Variants in GRK5 observed in about 807,000 individuals in gnomAD.
GRK5 encodes the protein G protein-coupled receptor kinase 5.
A neutral mutation model predicts 78.4 loss-of-function variants in GRK5; 40 were observed. That is an observed-to-expected ratio of 0.51 (90% CI 0.40 to 0.66). The LOEUF is 0.66. GRK5 is among the 30% of genes least tolerant of loss of function. GRK5 has a pLI of 0.00. For synonymous variants in GRK5, 289 were observed against 296.8 expected (o/e 0.97, Z 0.27); for missense variants, 598 against 759.9 (o/e 0.79, Z 2.50).
At chr10:119,225,037 A>G (rs2133715481) in intron 1 of GRK5, among the ~76,000 whole-genome samples, 2 of 152,334 alleles carry the variant, frequency 1.3e-5, no homozygotes, top group East Asian at 3.9e-4. Flanking sequence ...AGCAGGCATT[A>G]CACATTAAAA....
intron 9 of GRK5, among the ~76,000 whole-genome samples, chr10:119,437,198 G>C (rs998736749): frequency 6.6e-6 from 1 of 152,242 alleles, no homozygotes; most frequent in Non-Finnish European, 1.5e-5. Flanking sequence ...GAGGGGGCCT[G>C]GTGGCCGCTA....
At chr10:119,361,216 A>G (rs1304471343) in intron 2 of GRK5, among the ~76,000 whole-genome samples, 1 of 152,236 alleles carries the variant, frequency 6.6e-6, no homozygotes, top group Non-Finnish European at 1.5e-5. Context: ...AGAATGGCGC[A>G]TCAGAGGTGC....
intron 4 of GRK5, among the ~76,000 whole-genome samples, chr10:119,410,577 G>T (rs1324795776): frequency 1.3e-5 from 2 of 152,146 alleles, no homozygotes; most frequent in South Asian, 2.1e-4. Flanking sequence ...CCCAAGGCAA[G>T]GCTTGCTCCC....
intron 4 of GRK5, among the ~76,000 whole-genome samples, chr10:119,408,792 T>C (rs748764126): frequency 6.6e-6 from 1 of 152,186 alleles, no homozygotes; most frequent in African/African-American, 2.4e-5. Flanking sequence ...GTTGCCATGA[T>C]GAACGTAATG....
chr10:119,419,172 C>A (rs1403279566), intron 4 of GRK5, among the ~76,000 whole-genome samples: 1 of 152,202 alleles, frequency 6.6e-6, no homozygotes, highest in Non-Finnish European at 1.5e-5. Context: ...GCATGGAATT[C>A]TCCTGCCTTG....
In GRK5 at chr10:119,443,734, C is replaced by T. The variant is rs1434361956; in HGVS notation, c.1248C>T (p.Ala416=). The stretch of plus-strand genomic sequence containing the variant: ...ACTCCCACAAGTTCTCCGAGGAGGC[C>T]AAGTCCATCTGCAAGATGGTGAGCT... The part of the protein sequence containing the change: ...EVYSHKFSEE[A]KSICKMLLTK... The change falls in exon 12 of 16, where the codon GCC becomes GCT. Residue 416 remains alanine, a synonymous_variant. Coordinates refer to ENST00000392870, the MANE Select transcript of GRK5 (RefSeq NM_005308.3). 1 of 1,602,040 alleles carries T rather than the reference C, an allele frequency of 6.2e-7. No homozygotes were observed. The highest frequency in any genetic ancestry group is 8.5e-7 in the Non-Finnish European group (1 of 1,171,112).
chr10:119,397,712 C>G (rs917162888), intron 4 of GRK5, among the ~76,000 whole-genome samples: 1 of 152,238 alleles, frequency 6.6e-6, no homozygotes, highest in Non-Finnish European at 1.5e-5. Flanking sequence ...TCCCCTCAAC[C>G]TCCTGCACCT....
intron 3 of GRK5, among the ~76,000 whole-genome samples, chr10:119,391,830 G>T (rs1447253718): frequency 1.3e-5 from 2 of 152,202 alleles, no homozygotes; most frequent in Admixed American, 1.3e-4. Flanking sequence ...CGTGTCACTT[G>T]TCCCTGCCTC....
At chr10:119,380,989 C>A in intron 3 of GRK5, 62 bp downstream of exon 3, 1 of 1,061,138 alleles carries the variant, frequency 9.4e-7, no homozygotes, top group Admixed American at 1.8e-5. Flanking sequence ...TGTTTTGGCT[C>A]AAAGGAAAAA....
chr10:119,243,922 G>C (rs552381222), intron 1 of GRK5, among the ~76,000 whole-genome samples: 5 of 152,218 alleles, frequency 3.3e-5, no homozygotes, highest in Non-Finnish European at 7.3e-5. Context: ...AAAAATCATA[G>C]TTTATAAAAG....
chr10:119,229,802 C>T lies in GRK5; in HGVS notation c.52+21833C>T, dbSNP rs1848796744. On this transcript the variant is annotated intron_variant, in intron 1 of 15. Coordinates refer to ENST00000392870, the MANE Select transcript of GRK5 (RefSeq NM_005308.3). ...TATGAAGACAGCATTTACAGGGCCC[C>T]TAACTGGTGCAGGCTCTGTGAAGGA... 2.0e-5 allele frequency among the ~76,000 whole-genome samples: 3 copies of T among 152,152 alleles called. No individual in the cohort carries two copies. In the South Asian group the frequency reaches 6.2e-4, roughly 31 times the overall value.
intron 1 of GRK5, among the ~76,000 whole-genome samples, chr10:119,260,259 C>G (rs1389386871): frequency 6.6e-6 from 1 of 152,180 alleles, no homozygotes; most frequent in Non-Finnish European, 1.5e-5. Flanking sequence ...CCTCGGCCTC[C>G]CAAAGTGCTG....
rs1217848349 is a variant in GRK5, at chr10:119,380,871, C to A, written c.205C>A (p.Gln69Lys). 1.9e-6 allele frequency: 3 copies of A among 1,613,514 alleles called. No homozygotes were observed. The African/African-American group carries it at 4.0e-5, about 22-fold the overall frequency. Residue 69 changes from glutamine to lysine, a missense_variant, in exon 3 of 16, where the codon CAG becomes AAG. Gln to Lys is a moderately conservative substitution (Grantham distance 53). Coordinates refer to ENST00000392870, the MANE Select transcript of GRK5 (RefSeq NM_005308.3). ...KQPIGRLLFR[Q>K]FCETRPGLEC... ...GCCAATCGGGAGGCTGCTTTTCCGGCAGTTTTGTGAAACCAGGCCTGGGCT... is the reference window on the plus strand; with the variant it reads ...GCCAATCGGGAGGCTGCTTTTCCGGAAGTTTTGTGAAACCAGGCCTGGGCT...
intron 1 of GRK5, among the ~76,000 whole-genome samples, chr10:119,259,515 T>C (rs914516880): frequency 6.6e-6 from 1 of 152,240 alleles, no homozygotes; most frequent in Non-Finnish European, 1.5e-5. Context: ...GGTGAGTTAG[T>C]CACTGCTTTT....
rs531993661 is a variant in GRK5, at chr10:119,428,090, C to A, written c.534-2285C>A. Among the ~76,000 whole-genome samples the A allele has an allele frequency of 6.6e-5, 10 of 152,390 alleles. No homozygotes were observed. The South Asian group carries it at 2.1e-3, about 32-fold the overall frequency. ...CTGATTCTGCCAATTACAGGGCAGTCTAGTGGAGCTGTGTTCGCCATGCCC... is the reference window on the plus strand; with the variant it reads ...CTGATTCTGCCAATTACAGGGCAGTATAGTGGAGCTGTGTTCGCCATGCCC... On this transcript the variant is annotated intron_variant, in intron 6 of 15. Transcript: ENST00000392870.
intron 2 of GRK5, among the ~76,000 whole-genome samples, chr10:119,349,032 G>A (rs1314764926): frequency 6.6e-6 from 1 of 152,110 alleles, no homozygotes; most frequent in Non-Finnish European, 1.5e-5. Context: ...GTCACCCTCC[G>A]CCCTCCTCCC....
At chr10:119,433,691 A>G (rs1852865613) in intron 8 of GRK5, among the ~76,000 whole-genome samples, 1 of 152,130 alleles carries the variant, frequency 6.6e-6, no homozygotes, top group Non-Finnish European at 1.5e-5. Flanking sequence ...CTGGCCCACG[A>G]TGGCCGGGTT....
chr10:119,227,694 G>A (rs1269647521), intron 1 of GRK5, among the ~76,000 whole-genome samples: 1 of 152,188 alleles, frequency 6.6e-6, no homozygotes, highest in Non-Finnish European at 1.5e-5. Context: ...TAGACAGGTA[G>A]TATGTAGGGA....
intron 1 of GRK5, among the ~76,000 whole-genome samples, chr10:119,233,277 G>T (rs765329961): frequency 1.3e-5 from 2 of 152,224 alleles, no homozygotes; most frequent in Non-Finnish European, 2.9e-5. Context: ...AGGTTGGGTG[G>T]AGATGATGTC....
Sources: allele counts gnomAD v4.1 joint callset (sites outside exome capture counted in the v4.1 genomes callset), GRCh38; gene constraint gnomAD v4.1.1; transcripts MANE v1.5; gene names NCBI Gene and HGNC (gene_info 2026-07-23, HGNC 2026-07-21).